Variants in RUNX1T1 observed in about 807,000 individuals in gnomAD.
RUNX1T1 encodes RUNX1 partner transcriptional co-repressor 1.
A neutral mutation model predicts 62.8 loss-of-function variants in RUNX1T1; 4 were observed. The observed-to-expected ratio is 0.06, with a 90% CI of 0.03 to 0.15. The LOEUF is 0.15. RUNX1T1 is among the 10% of genes least tolerant of loss of function. RUNX1T1 has a pLI of 1.00. For missense variants in RUNX1T1, 508 were observed against 754.3 expected, an observed-to-expected ratio of 0.67 and a Z score of 3.82; for synonymous variants, 291 against 286.0, an observed-to-expected ratio of 1.02 and a Z score of -0.18.
intron 6 of RUNX1T1, among the ~76,000 whole-genome samples, chr8:91,989,159 T>C (rs1487779426): frequency 1.3e-5 from 2 of 152,214 alleles, no homozygotes; most frequent in Non-Finnish European, 2.9e-5. Context: ...AGCTTACTTA[T>C]AAACTAATGC....
At chr8:92,029,147 A>ATT (rs1825785093) in intron 1 of RUNX1T1, among the ~76,000 whole-genome samples, 1 of 152,198 alleles carries the variant, frequency 6.6e-6, no homozygotes, top group East Asian at 1.9e-4. Context: ...AAACAGCAGG[A>ATT]GTTTAAATGA....
intron 2 of RUNX1T1, among the ~76,000 whole-genome samples, chr8:92,074,209 A>G: frequency 6.6e-6 from 1 of 152,206 alleles, no homozygotes; most frequent in East Asian, 1.9e-4. Flanking sequence ...CCGTACATGA[A>G]TAACAAATAA....
chr8:92,102,741 G>T, upstream of RUNX1T1: 1 of 1,091,498 alleles, frequency 9.2e-7, no homozygotes, highest in Non-Finnish European at 1.3e-6. This position sits in a 1 kb window ranked among gnomAD's most constrained non-coding sequence, Gnocchi z 4.5. Context: ...ACAGCCTGGA[G>T]CCTCGCGGTC....
At chr8:91,988,050 G>A (rs1345135483) in intron 6 of RUNX1T1, among the ~76,000 whole-genome samples, 1 of 152,058 alleles carries the variant, frequency 6.6e-6, no homozygotes. Context: ...CTATCTCTCT[G>A]TGGAACTTAT....
intron 1 of RUNX1T1, chr8:92,017,603 C>A: frequency 7.3e-7 from 1 of 1,374,986 alleles, no homozygotes; most frequent in South Asian, 1.5e-5. Context: ...ATTGTTATTT[C>A]TGGCTTAGGC....
chr8:92,103,242 T>A (rs1178582145), upstream of RUNX1T1: 1 of 252,780 alleles, frequency 4.0e-6, no homozygotes, highest in Non-Finnish European at 7.6e-6. Context: ...GCGCAGGGAA[T>A]TGCCACTGTC....
intron 1 of RUNX1T1, among the ~76,000 whole-genome samples, chr8:92,022,944 C>G (rs1379905947): frequency 2.0e-5 from 3 of 152,190 alleles, no homozygotes; most frequent in Admixed American, 6.5e-5. Flanking sequence ...TTCTTCCTTG[C>G]TGGAGAGCCC....
At chr8:92,024,377 C>T (rs1824711786) in intron 1 of RUNX1T1, among the ~76,000 whole-genome samples, 1 of 151,728 alleles carries the variant, frequency 6.6e-6, no homozygotes, top group Non-Finnish European at 1.5e-5. Flanking sequence ...GGCATGGTGG[C>T]ACATGCCTGT....
At chr8:92,014,347 G>C (rs890097272) in intron 3 of RUNX1T1, among the ~76,000 whole-genome samples, 1 of 151,810 alleles carries the variant, frequency 6.6e-6, no homozygotes, top group African/African-American at 2.4e-5. Flanking sequence ...CAATAAATTT[G>C]TATAACCATA....
intron 1 of RUNX1T1, among the ~76,000 whole-genome samples, chr8:92,043,978 CA>C (rs761044593): frequency 0.3 from 22,856 of 76,792 alleles, 1,581 homozygotes; most frequent in Middle Eastern, 0.42. Context: ...AACTCCGTCT[CA>C]AAAAAAAAAA....
Position 92,017,216 on chromosome 8 carries a change from G to A in RUNX1T1, c.145+10C>T, listed in dbSNP as rs201692462. 1,149 of 1,553,714 alleles carry A rather than the reference G, an allele frequency of 7.4e-4. No individual in the cohort carries two copies. The highest frequency in any genetic ancestry group is 9.5e-4 in the Non-Finnish European group (1,078 of 1,137,318). On this transcript the variant is annotated intron_variant, in intron 2 of 10. Transcript: ENST00000396218. ...AAACTGAAACTCAAAAGCCTGAAAT[G>A]ACTACTTACACGTTGTCGGTGTAAA...
chr8:91,979,781 G>A, intron 8 of RUNX1T1: 2 of 519,932 alleles, frequency 3.8e-6, no homozygotes, highest in South Asian at 1.6e-5. Context: ...ACTTACGACA[G>A]GATGGAGACC....
intron 8 of RUNX1T1, chr8:91,977,019 AT>A (rs779634743): frequency 5.2e-5 from 10 of 191,326 alleles, no homozygotes; most frequent in Non-Finnish European, 1.1e-4. Flanking sequence ...AGATGAAGAC[AT>A]TTAGTCCAGT....
At chr8:91,956,586 A>T (rs140993883), downstream of RUNX1T1, 1 of 219,716 alleles carries the variant, frequency 4.6e-6, no homozygotes, top group East Asian at 6.6e-5. Flanking sequence ...CAGACCATAC[A>T]TTACAGTCCA....
At chr8:92,029,194 A>G (rs544263838) in intron 1 of RUNX1T1, among the ~76,000 whole-genome samples, 1 of 152,252 alleles carries the variant, frequency 6.6e-6, no homozygotes, top group South Asian at 2.1e-4. Flanking sequence ...CTCTAGGGGG[A>G]AAAAAAGTAC....
At chr8:92,039,387 C>CT (rs1295089030) in intron 1 of RUNX1T1, among the ~76,000 whole-genome samples, 1 of 152,130 alleles carries the variant, frequency 6.6e-6, no homozygotes, top group Admixed American at 6.5e-5. Context: ...TTGTGAAACT[C>CT]TTTGTTGTTT....
downstream of RUNX1T1, chr8:91,958,010 A>C (rs1809623374): frequency 4.5e-6 from 1 of 219,868 alleles, no homozygotes; most frequent in Admixed American, 5.8e-5. Flanking sequence ...TAGATTTAAG[A>C]GACTTAAAGC....
At chr8:91,972,179 T>C (rs1050624636) in intron 9 of RUNX1T1, among the ~76,000 whole-genome samples, 2 of 152,106 alleles carry the variant, frequency 1.3e-5, no homozygotes, top group African/African-American at 4.8e-5. Flanking sequence ...AGATTAAAAA[T>C]GTAAGAGATG....
upstream of RUNX1T1, among the ~76,000 whole-genome samples, chr8:92,065,360 A>C (rs1832723468): frequency 6.6e-6 from 1 of 152,222 alleles, no homozygotes; most frequent in Non-Finnish European, 1.5e-5. Flanking sequence ...CATATTTTAT[A>C]AAACTAAAAT....
Sources: gnomAD v4.1 joint callset for allele counts (sites outside exome capture counted in the v4.1 genomes callset) on GRCh38, gnomAD v4.1.1 for gene constraint, Gnocchi (gnomAD v3.1) non-coding constraint, MANE v1.5 for transcripts, NCBI Gene and HGNC (gene_info 2026-07-23, HGNC 2026-07-21) for gene names.